FMN1: variants seen among roughly 807,000 people sequenced by gnomAD.
FMN1 encodes formin 1.
In FMN1, 110 loss-of-function variants were observed where a neutral mutation model predicts 132.4. The observed-to-expected ratio is 0.83, with a 90% CI of 0.71 to 0.97. The LOEUF (loss-of-function observed/expected upper bound fraction) is 0.97. Among genes scored for constraint, FMN1 ranks in the 50% least tolerant of loss-of-function variants. The probability of loss-of-function intolerance (pLI) is 0.00; values close to 1 mark genes in which losing one functional copy is unlikely to be tolerated. For missense variants in FMN1, 1,792 were observed against 1,705.3 expected (o/e 1.05, Z -0.90); for synonymous variants, 722 against 651.7 (o/e 1.11, Z -1.64).
chr15:33,185,443 G>A (rs960796787), intron 2 of FMN1, among the ~76,000 whole-genome samples: 2 of 151,646 alleles, frequency 1.3e-5, no homozygotes, highest in African/African-American at 2.4e-5. Flanking sequence ...AACACTGCCT[G>A]TGAAAATTTT....
chr15:33,107,983 T>C (rs2039550096), intron 4 of FMN1, among the ~76,000 whole-genome samples: 1 of 151,822 alleles, frequency 6.6e-6, no homozygotes, highest in Non-Finnish European at 1.5e-5. Context: ...ATAACAAAGG[T>C]TTCAGTTTGG....
rs531046913 is a variant in FMN1 at position 32,868,413 on chromosome 15, C to T, written c.3836-11306G>A. Among the ~76,000 whole-genome samples the T allele has an allele frequency of 4.6e-5, 7 of 152,188 alleles. No homozygotes were observed. The South Asian group carries it at 1.0e-3, about 23-fold the overall frequency. On this transcript the variant is annotated intron_variant, in intron 16 of 20. Coordinates refer to ENST00000616417, the MANE Select transcript of FMN1 (RefSeq NM_001277313.2). ...TATAGAAACCTGTGCAGATTTGTAG[C>T]GTAGACGCCATAGGCTATACCATCT...
chr15:32,874,699 T>A (rs1452061114), intron 16 of FMN1, among the ~76,000 whole-genome samples: 22 of 152,216 alleles, frequency 1.4e-4, no homozygotes, highest in Admixed American at 1.4e-3. Flanking sequence ...GGATAAAACT[T>A]ACCCTTAAAA....
rs149799735 is a variant in FMN1, at chr15:33,007,470, G to C, written c.2223+544C>G. Among the ~76,000 whole-genome samples the C allele has an allele frequency of 2.8e-3, 432 of 152,178 alleles. 1 individual carries two copies. Among genetic ancestry groups the C allele is most frequent in the South Asian group, 6.8e-3 (33 of 4,824 alleles). On this transcript the variant is annotated intron_variant, in intron 7 of 20. Transcript: ENST00000616417. ...AACTAGATGGCAGCACAAGGGAAAT[G>C]ATCCCTCAGTCATTCCGGGCTTCAC...
intron 17 of FMN1, among the ~76,000 whole-genome samples, chr15:32,821,208 C>T (rs1417865969): frequency 6.6e-6 from 1 of 151,822 alleles, no homozygotes; most frequent in Non-Finnish European, 1.5e-5. Context: ...TTAAATGAGT[C>T]ATTTCTTTTT....
chr15:32,866,750 C>T (rs1046746920), intron 16 of FMN1, among the ~76,000 whole-genome samples: 1 of 152,178 alleles, frequency 6.6e-6, no homozygotes, highest in Non-Finnish European at 1.5e-5. Flanking sequence ...CACTAATTAA[C>T]CCATCCTGTG....
At chr15:32,910,311 T>C (rs2060526543) in intron 11 of FMN1, among the ~76,000 whole-genome samples, 163 bp downstream of exon 11, 1 of 152,218 alleles carries the variant, frequency 6.6e-6, no homozygotes, top group Non-Finnish European at 1.5e-5. Flanking sequence ...GTCAGGAATC[T>C]AGTGCTTCTC....
intron 16 of FMN1, among the ~76,000 whole-genome samples, chr15:32,865,369 CT>C (rs1362440693): frequency 2.0e-5 from 3 of 152,130 alleles, no homozygotes; most frequent in Non-Finnish European, 4.4e-5. Flanking sequence ...ATCTGTACTT[CT>C]TTATATAAGG....
intron 4 of FMN1, among the ~76,000 whole-genome samples, chr15:33,121,847 G>A (rs750433363): frequency 3.9e-5 from 6 of 152,022 alleles, no homozygotes; most frequent in Non-Finnish European, 7.4e-5. Context: ...TTGTTTTTCT[G>A]TTTGTTTGAA....
chr15:33,082,467 G>A (rs2038520721), intron 5 of FMN1, among the ~76,000 whole-genome samples: 1 of 152,030 alleles, frequency 6.6e-6, no homozygotes. Context: ...CCTCTTTTTA[G>A]GGTCTTTTCT....
At chr15:32,951,927 G>C (rs1355845933) in intron 9 of FMN1, among the ~76,000 whole-genome samples, 3 of 152,322 alleles carry the variant, frequency 2.0e-5, no homozygotes, top group Middle Eastern at 3.4e-3. Context: ...AGAGAAGGCA[G>C]CTGGTCAGAA....
chr15:33,152,919 A>C, intron 4 of FMN1, 129 bp downstream of exon 4: 1 of 921,556 alleles, frequency 1.1e-6, no homozygotes, highest in Non-Finnish European at 1.6e-6. Context: ...TTTTCTTGCT[A>C]CAAAGTGAAG....
chr15:32,861,602 ATTTGTTATTT>A (rs1320202078), intron 16 of FMN1, among the ~76,000 whole-genome samples: 1 of 152,144 alleles, frequency 6.6e-6, no homozygotes, highest in African/African-American at 2.4e-5. Flanking sequence ...CATAAATATT[ATTTGTTATTT>A]TTATGTTTGA....
intron 2 of FMN1, among the ~76,000 whole-genome samples, chr15:33,182,828 CT>C (rs1253400729): frequency 6.6e-6 from 1 of 152,208 alleles, no homozygotes; most frequent in Non-Finnish European, 1.5e-5. Flanking sequence ...CTAAAGCACT[CT>C]GTAAAAATAG....
chr15:33,013,348 A>C (rs928656730), intron 6 of FMN1, among the ~76,000 whole-genome samples: 7 of 152,218 alleles, frequency 4.6e-5, no homozygotes, highest in African/African-American at 1.7e-4. Flanking sequence ...GTCTGCACCC[A>C]TGCTATCAAT....
At position 32,958,478 on chromosome 15, in the gene FMN1, T is replaced by C. The variant is rs544473975; in HGVS notation, c.3138+5629A>G. Among the ~76,000 whole-genome samples the C allele has an allele frequency of 9.2e-5, 14 of 152,260 alleles. No homozygotes were observed. In the East Asian group the frequency reaches 2.5e-3, roughly 27 times the overall value. On this transcript the variant is annotated intron_variant, in intron 9 of 20. Coordinates refer to ENST00000616417, the MANE Select transcript of FMN1 (RefSeq NM_001277313.2). ...GTGCCATATGAGAGAAATAAGATGA[T>C]GGGTAAGATTTCTTCTAATTCCTAG...
chr15:33,015,920 A>G (rs1385412685), intron 6 of FMN1, among the ~76,000 whole-genome samples: 1 of 151,728 alleles, frequency 6.6e-6, no homozygotes, highest in Non-Finnish European at 1.5e-5. Context: ...TGTTGATCGG[A>G]GTTTGGTCCC....
chr15:32,958,643 A>C (rs1160921859), intron 9 of FMN1, among the ~76,000 whole-genome samples: 1 of 152,226 alleles, frequency 6.6e-6, no homozygotes, highest in African/African-American at 2.4e-5. Context: ...TAGTAGTTGA[A>C]GCTAGAAATT....
Position 32,770,306 on chromosome 15 carries a change from T to C in FMN1, c.*4004A>G, listed in dbSNP as rs1230757286. ...GTGCTGTTGTATGCAATGATCTGCA[T>C]CAATGACACTGGCCAAGGGAGAAGC... On this transcript the variant is annotated 3_prime_UTR_variant, in exon 21 of 21. Coordinates refer to ENST00000616417, the MANE Select transcript of FMN1 (RefSeq NM_001277313.2). 3 of 152,206 alleles carry C rather than the reference T, an allele frequency of 2.0e-5. No homozygotes were observed. The highest frequency in any genetic ancestry group is 2.9e-5 in the Non-Finnish European group (2 of 68,050). 9.4% of individuals were successfully genotyped at this position (152,206 alleles called of 1,614,324 possible).
Sources: gnomAD v4.1 joint callset for allele counts (sites outside exome capture counted in the v4.1 genomes callset) on GRCh38, gnomAD v4.1.1 for gene constraint, MANE v1.5 for transcripts, NCBI Gene and HGNC (gene_info 2026-07-23, HGNC 2026-07-21) for gene names.